The following CTNND2 variants were observed in gnomAD, a reference collection of about 807,000 sequenced individuals.
CTNND2 encodes the protein catenin delta 2.
In CTNND2, 22 loss-of-function variants were observed where a neutral mutation model predicts 144.4. The ratio of observed to expected loss-of-function variants is 0.15; its 90% CI spans 0.11 to 0.22. CTNND2 has a LOEUF of 0.22. Among genes scored for constraint, CTNND2 ranks in the 10% least tolerant of loss-of-function variants. The pLI, the probability that CTNND2 is intolerant of heterozygous loss-of-function variation, is 1.00. For synonymous variants in CTNND2, 751 were observed against 695.6 expected (o/e 1.08, Z -1.25); for missense variants, 1,353 against 1,618.8 (o/e 0.84, Z 2.82).
chr5:11,673,152 G>C (rs1306570153), intron 2 of CTNND2, among the ~76,000 whole-genome samples: 1 of 152,046 alleles, frequency 6.6e-6, no homozygotes, highest in Non-Finnish European at 1.5e-5. Flanking sequence ...AAAATGCAGG[G>C]CCTCTATTCT....
intron 9 of CTNND2, among the ~76,000 whole-genome samples, chr5:11,305,517 C>T (rs992705713): frequency 1.3e-5 from 2 of 152,198 alleles, no homozygotes; most frequent in East Asian, 3.9e-4. Flanking sequence ...TCATTTGTCA[C>T]ATCCTATTGA....
intron 6 of CTNND2, 105 bp from the exon 7 acceptor site, chr5:11,385,334 G>T: frequency 2.5e-6 from 2 of 791,780 alleles, no homozygotes; most frequent in Non-Finnish European, 1.5e-6. Flanking sequence ...GGGATGCCGC[G>T]GGCGCCCGGC....
At chr5:11,630,223 T>C (rs368083120) in intron 2 of CTNND2, among the ~76,000 whole-genome samples, 1 of 152,218 alleles carries the variant, frequency 6.6e-6, no homozygotes, top group Non-Finnish European at 1.5e-5. Context: ...AGGGATCTCC[T>C]AGCTCTTTCA....
At chr5:11,842,322 C>T (rs767645592) in intron 1 of CTNND2, among the ~76,000 whole-genome samples, 30 of 152,094 alleles carry the variant, frequency 2.0e-4, no homozygotes, top group African/African-American at 7.0e-4. Flanking sequence ...TATAGTAAGA[C>T]GTACCAGTAA....
At chr5:11,765,809 A>G (rs1214764321) in intron 1 of CTNND2, among the ~76,000 whole-genome samples, 1 of 152,214 alleles carries the variant, frequency 6.6e-6, no homozygotes, top group Non-Finnish European at 1.5e-5. Flanking sequence ...TAGAAAACAA[A>G]TCAAATAATT....
intron 10 of CTNND2, among the ~76,000 whole-genome samples, chr5:11,209,471 T>C (rs978471695): frequency 1.3e-5 from 2 of 152,174 alleles, no homozygotes; most frequent in East Asian, 3.9e-4. Context: ...CTAAAGGTCT[T>C]AGAGAAGTTG....
chr5:11,265,223 T>C (rs1156340700), intron 9 of CTNND2, among the ~76,000 whole-genome samples: 1 of 152,192 alleles, frequency 6.6e-6, no homozygotes, highest in Non-Finnish European at 1.5e-5. Context: ...TTCAGAGTTA[T>C]TGAACATTAG....
At position 11,384,583 on chromosome 5, in the gene CTNND2, G is replaced by C; in HGVS notation, c.1177+82C>G. On this transcript the variant is annotated intron_variant, in intron 7 of 21. Transcript: ENST00000304623. This position sits in a 1 kb window ranked among gnomAD's most constrained non-coding sequence, Gnocchi z 5.2. ...CCTGGCAGACAGCGCGCCCGGCTTC[G>C]CTTCTGCTCAAGCCGGGCTGCTGCT... 7.4e-7 allele frequency: 1 copy of C among 1,348,922 alleles called. No individual in the cohort carries two copies. 83.6% of individuals were successfully genotyped at this position (1,348,922 alleles called of 1,614,324 possible). A position where few individuals can be genotyped will look rare whatever the true frequency, so the allele number is the denominator to read the frequency against.
intron 3 of CTNND2, among the ~76,000 whole-genome samples, chr5:11,560,831 T>C (rs1312271462): frequency 2.0e-5 from 3 of 152,336 alleles, no homozygotes; most frequent in Non-Finnish European, 2.9e-5. Flanking sequence ...CATGCATTCA[T>C]AGAACTGCAG....
intron 3 of CTNND2, among the ~76,000 whole-genome samples, chr5:11,513,548 T>C (rs1486375653): frequency 6.6e-6 from 1 of 152,202 alleles, no homozygotes; most frequent in Non-Finnish European, 1.5e-5. Flanking sequence ...CTTTACAAAT[T>C]GTGATTTTCA....
chr5:11,769,809 G>A (rs2126822308), intron 1 of CTNND2, among the ~76,000 whole-genome samples: 1 of 152,198 alleles, frequency 6.6e-6, no homozygotes, highest in South Asian at 2.1e-4. Context: ...AGATGATTTG[G>A]CCATTCATAA....
chr5:10,975,913 C>T (rs558888210), intron 21 of CTNND2, among the ~76,000 whole-genome samples: 1 of 152,342 alleles, frequency 6.6e-6, no homozygotes, highest in South Asian at 2.1e-4. Context: ...CATGTTCTCT[C>T]TGGTTGGTGA....
At chr5:11,491,514 G>C (rs1769386561) in intron 3 of CTNND2, among the ~76,000 whole-genome samples, 2 of 152,124 alleles carry the variant, frequency 1.3e-5, no homozygotes, top group Non-Finnish European at 2.9e-5. Flanking sequence ...ACTAGGAAGG[G>C]GCACAGCTGG....
At chr5:11,083,882 T>C in intron 15 of CTNND2, 1 of 1,128,704 alleles carries the variant, frequency 8.9e-7, no homozygotes, top group South Asian at 1.8e-5. Flanking sequence ...GGCTCTCACC[T>C]GTGGCAGGCA....
At position 11,828,539 on chromosome 5, in the gene CTNND2, T is replaced by C. The variant is rs1010821225; in HGVS notation, c.37+75278A>G. Among the ~76,000 whole-genome samples, 4 of 151,786 alleles carry C rather than the reference T, an allele frequency of 2.6e-5. No homozygotes were observed. In the East Asian group the frequency reaches 5.8e-4, roughly 22 times the overall value. ...GAGTGAAACTCCGACTAAAAATAAATAAATAAATAGAAAAAGGGGAGTTTG... is the reference window on the plus strand; with the variant it reads ...GAGTGAAACTCCGACTAAAAATAAACAAATAAATAGAAAAAGGGGAGTTTG... On this transcript the variant is annotated intron_variant, in intron 1 of 21. Coordinates refer to ENST00000304623, the MANE Select transcript of CTNND2 (RefSeq NM_001332.4).
Position 11,706,593 on chromosome 5 carries a change from C to T in CTNND2, c.174+25543G>A, listed in dbSNP as rs147439572. The stretch of plus-strand genomic sequence containing the variant: ...CTTTCCCTTAGTTGTCAGCCACCTG[C>T]CCTGGCCCGCAGGCATCCACTGATA... On this transcript the variant is annotated intron_variant, in intron 2 of 21. Transcript: ENST00000304623. Among the ~76,000 whole-genome samples the T allele has an allele frequency of 1.7e-3, 264 of 152,286 alleles. 1 individual carries two copies. The highest frequency in any genetic ancestry group is 6.1e-3 in the African/African-American group (254 of 41,560).
intron 12 of CTNND2, among the ~76,000 whole-genome samples, chr5:11,129,312 A>ATATAT (rs1561354096): frequency 1.3e-5 from 1 of 76,738 alleles, no homozygotes; most frequent in Admixed American, 2.0e-4. Flanking sequence ...TTATATATAT[A>ATATAT]AATATATATA....
intron 9 of CTNND2, among the ~76,000 whole-genome samples, chr5:11,264,651 T>C (rs1317153563): frequency 6.6e-6 from 1 of 152,180 alleles, no homozygotes; most frequent in Non-Finnish European, 1.5e-5. Flanking sequence ...ATTCATTGGC[T>C]GGGTGTGGTG....
At chr5:11,133,106 G>A (rs911993350) in intron 12 of CTNND2, among the ~76,000 whole-genome samples, 2 of 152,108 alleles carry the variant, frequency 1.3e-5, no homozygotes, top group African/African-American at 4.8e-5. Flanking sequence ...CCTTGTTTCA[G>A]AATGAAAATA....
Sources: allele counts gnomAD v4.1 joint callset (sites outside exome capture counted in the v4.1 genomes callset), GRCh38; gene constraint gnomAD v4.1.1; non-coding constraint Gnocchi (gnomAD v3.1); transcripts MANE v1.5; gene names NCBI Gene and HGNC (gene_info 2026-07-23, HGNC 2026-07-21).